CCDC178: variants seen among roughly 807,000 people sequenced by gnomAD.
The protein encoded by CCDC178 is coiled-coil domain-containing protein 178.
In CCDC178, 126 loss-of-function variants were observed where a neutral mutation model predicts 117.4. That is an observed-to-expected ratio of 1.07 (90% CI 0.93 to 1.24). CCDC178 has a LOEUF of 1.24. Among genes scored for constraint, CCDC178 ranks in the 50% most tolerant of loss-of-function variants. The pLI is 0.00. For missense variants in CCDC178, 1,030 were observed against 986.9 expected (o/e 1.04, Z -0.59); for synonymous variants, 283 against 313.4 (o/e 0.90, Z 1.02).
At chr18:33,284,870 A>T (rs1275880904) in intron 12 of CCDC178, among the ~76,000 whole-genome samples, 1 of 152,072 alleles carries the variant, frequency 6.6e-6, no homozygotes, top group Non-Finnish European at 1.5e-5. Context: ...TCCACAAAGA[A>T]TATCAGGAAA....
chr18:33,348,762 G>C, intron 8 of CCDC178, 128 bp downstream of exon 8: 2 of 638,336 alleles, frequency 3.1e-6, no homozygotes, highest in South Asian at 1.9e-5. Flanking sequence ...GGACTATTTT[G>C]TCTATTAAAC....
intron 6 of CCDC178, among the ~76,000 whole-genome samples, chr18:33,367,863 T>C (rs769447728): frequency 1.3e-5 from 2 of 152,048 alleles, no homozygotes; most frequent in Non-Finnish European, 2.9e-5. Context: ...AACAGAAAGT[T>C]TGTCATTAGC....
At chr18:33,007,746 A>C (rs927727465) in intron 21 of CCDC178, among the ~76,000 whole-genome samples, 15 of 152,110 alleles carry the variant, frequency 9.9e-5, no homozygotes, top group African/African-American at 3.4e-4. Flanking sequence ...AGTTTACTTG[A>C]TTGGTATGAC....
At chr18:33,310,673 G>A (rs989314774) in intron 11 of CCDC178, among the ~76,000 whole-genome samples, 2 of 152,196 alleles carry the variant, frequency 1.3e-5, no homozygotes, top group Admixed American at 1.3e-4. Flanking sequence ...GTGACAGAGT[G>A]AGACCCCCTC....
At chr18:33,082,460 AC>A (rs2057313224) in intron 21 of CCDC178, among the ~76,000 whole-genome samples, 1 of 152,272 alleles carries the variant, frequency 6.6e-6, no homozygotes, top group South Asian at 2.1e-4. Context: ...TGACAGTGAG[AC>A]CCCCATATCA....
chr18:33,405,843 C>T lies in CCDC178; in HGVS notation c.58+6188G>A, dbSNP rs369597315. 3.3e-5 allele frequency among the ~76,000 whole-genome samples: 5 copies of T among 152,132 alleles called. No homozygotes were observed. In the East Asian group the frequency reaches 9.7e-4, roughly 29 times the overall value. On this transcript the variant is annotated intron_variant, in intron 3 of 22. Coordinates refer to ENST00000383096, the MANE Select transcript of CCDC178 (RefSeq NM_001105528.4). The stretch of plus-strand genomic sequence containing the variant: ...GAAGGCTTATGTACTTATGCTCTGA[C>T]AATGCAGATCCAGTACTGATGATGC...
intron 20 of CCDC178, among the ~76,000 whole-genome samples, chr18:33,119,161 T>A (rs539595242): frequency 6.6e-6 from 1 of 152,250 alleles, no homozygotes; most frequent in South Asian, 2.1e-4. Context: ...CCAAAAGCAA[T>A]GGCAACAAAA....
At chr18:33,154,723 A>T (rs890128493) in intron 20 of CCDC178, among the ~76,000 whole-genome samples, 1 of 152,178 alleles carries the variant, frequency 6.6e-6, no homozygotes, top group Non-Finnish European at 1.5e-5. Context: ...TACCATGCAG[A>T]TGTCAGTGTA....
intron 14 of CCDC178, among the ~76,000 whole-genome samples, chr18:33,247,104 G>C (rs2059559803): frequency 6.6e-6 from 1 of 151,192 alleles, no homozygotes; most frequent in Non-Finnish European, 1.5e-5. Context: ...GAGAGAGAGA[G>C]AGAGACAGAG....
At position 33,222,792 on chromosome 18, in the gene CCDC178, A is replaced by G. The variant is rs150190252; in HGVS notation, c.1932+314T>C. Reference sequence around the variant, plus strand: ...TTTTTTTGGTTTTTAATCTCCAAGTAAAAGGAGACAGCATGGCCATCACAG... The same window carrying G: ...TTTTTTTGGTTTTTAATCTCCAAGTGAAAGGAGACAGCATGGCCATCACAG... On this transcript the variant is annotated intron_variant, in intron 18 of 22. Coordinates refer to ENST00000383096, the MANE Select transcript of CCDC178 (RefSeq NM_001105528.4). Among the ~76,000 whole-genome samples, 287 of 151,774 alleles carry G rather than the reference A, an allele frequency of 1.9e-3. 1 individual carries two copies. The highest frequency in any genetic ancestry group is 6.5e-3 in the African/African-American group (267 of 41,388).
chr18:33,293,406 A>G (rs1289529008), intron 11 of CCDC178, 94 bp from the exon 12 acceptor site: 1 of 712,602 alleles, frequency 1.4e-6, no homozygotes, highest in Non-Finnish European at 2.1e-6. Context: ...CATGCCTGTA[A>G]TCTCAGCACT....
At chr18:33,227,556 GTATATATATA>G (rs145380258) in intron 15 of CCDC178, among the ~76,000 whole-genome samples, 5 of 110,966 alleles carry the variant, frequency 4.5e-5, no homozygotes, top group African/African-American at 1.3e-4. Flanking sequence ...GTGTGTGTGT[GTATATATATA>G]TATATATATA....
chr18:33,250,773 A>C (rs1443423952), intron 14 of CCDC178, among the ~76,000 whole-genome samples: 1 of 151,594 alleles, frequency 6.6e-6, no homozygotes, highest in Non-Finnish European at 1.5e-5. Context: ...TTCAGTACCA[A>C]AACCCAACAA....
intron 20 of CCDC178, among the ~76,000 whole-genome samples, chr18:33,182,228 T>C (rs1384028536): frequency 2.0e-5 from 3 of 151,912 alleles, no homozygotes; most frequent in Non-Finnish European, 4.4e-5. Flanking sequence ...AGACTAAGGC[T>C]GAAATACACT....
chr18:32,940,416 G>C (rs1160624846), intron 22 of CCDC178, among the ~76,000 whole-genome samples: 1 of 151,870 alleles, frequency 6.6e-6, no homozygotes, highest in Non-Finnish European at 1.5e-5. Flanking sequence ...ATTGATACCA[G>C]AGACAAAATA....
At chr18:32,943,049 C>T (rs564882005) in intron 22 of CCDC178, among the ~76,000 whole-genome samples, 1 of 152,222 alleles carries the variant, frequency 6.6e-6, no homozygotes, top group Non-Finnish European at 1.5e-5. Context: ...CAGCTAGCTG[C>T]AGGCCTTTGT....
At chr18:33,136,677 A>C (rs1303720414) in intron 20 of CCDC178, among the ~76,000 whole-genome samples, 1 of 152,108 alleles carries the variant, frequency 6.6e-6, no homozygotes, top group Non-Finnish European at 1.5e-5. Context: ...TCAATTTACA[A>C]ATTTCAAGTT....
chr18:32,998,086 GAC>G (rs771081761), intron 21 of CCDC178, among the ~76,000 whole-genome samples: 3 of 152,214 alleles, frequency 2.0e-5, no homozygotes, highest in Non-Finnish European at 4.4e-5. Flanking sequence ...TAGTTGGAAA[GAC>G]AGTGTTGAAT....
chr18:33,352,572 C>T (rs1465478750), intron 7 of CCDC178, among the ~76,000 whole-genome samples: 2 of 152,006 alleles, frequency 1.3e-5, no homozygotes, highest in Non-Finnish European at 2.9e-5. Flanking sequence ...CCTCTGTGGA[C>T]TACTTTTGCT....
Sources: allele counts gnomAD v4.1 joint callset (sites outside exome capture counted in the v4.1 genomes callset), GRCh38; gene constraint gnomAD v4.1.1; transcripts MANE v1.5; gene names NCBI Gene and HGNC (gene_info 2026-07-23, HGNC 2026-07-21).